The following IGSF5 variants were observed in gnomAD, a reference collection of about 807,000 sequenced individuals.
The protein encoded by IGSF5 is immunoglobulin superfamily member 5, also known as immunoglobulin superfamily 5 like.
Under a neutral mutation model 39.4 loss-of-function variants are expected in IGSF5, and 41 were observed. That is an observed-to-expected ratio of 1.04 (90% CI 0.81 to 1.35). IGSF5 has a LOEUF of 1.35. Ranked by LOEUF, IGSF5 falls within the 40% of genes most tolerant of loss-of-function variation. IGSF5 has a pLI of 0.00. For synonymous variants in IGSF5, 183 were observed against 175.3 expected (o/e 1.04, Z -0.34); for missense variants, 487 against 494.6 (o/e 0.98, Z 0.15).
chr21:39,789,829 T>A (rs1360948421), intron 6 of IGSF5, among the ~76,000 whole-genome samples: 1 of 152,232 alleles, frequency 6.6e-6, no homozygotes, highest in East Asian at 1.9e-4. Context: ...ATTTGGATTA[T>A]AGTAACCATT....
At chr21:39,789,733 A>G (rs2086951365) in intron 6 of IGSF5, among the ~76,000 whole-genome samples, 1 of 152,218 alleles carries the variant, frequency 6.6e-6, no homozygotes, top group South Asian at 2.1e-4. Flanking sequence ...TTCCAAAGTA[A>G]TTATTGTTAA....
intron 7 of IGSF5, 26 bp from the exon 8 acceptor site, chr21:39,793,508 A>T (rs2086977310): frequency 1.9e-6 from 3 of 1,590,150 alleles, no homozygotes; most frequent in Non-Finnish European, 8.6e-7. Context: ...CCACTTAATG[A>T]CTCTAAAATT....
At chr21:39,765,017 A>C (rs2080078809) in intron 2 of IGSF5, among the ~76,000 whole-genome samples, 1 of 152,172 alleles carries the variant, frequency 6.6e-6, no homozygotes, top group Non-Finnish European at 1.5e-5. Flanking sequence ...CCTCTTCCTT[A>C]GCTTCTGATG....
chr21:39,724,657 C>G, the IGSF5 span, among the ~76,000 whole-genome samples: 2 of 152,214 alleles, frequency 1.3e-5, no homozygotes, highest in Non-Finnish European at 2.9e-5. Context: ...AAATCTCTTT[C>G]TTTTGTAAAT....
intron 5 of IGSF5, among the ~76,000 whole-genome samples, chr21:39,780,124 A>G (rs975103975): frequency 6.6e-6 from 1 of 152,254 alleles, no homozygotes; most frequent in African/African-American, 2.4e-5. Context: ...TCATTTCACA[A>G]TATGTACATA....
intron 2 of IGSF5, among the ~76,000 whole-genome samples, chr21:39,748,715 G>A (rs376760873): frequency 6.6e-5 from 10 of 152,286 alleles, no homozygotes; most frequent in East Asian, 5.8e-4. Context: ...ACACAATTCC[G>A]TTTATAGAAG....
the IGSF5 span, among the ~76,000 whole-genome samples, chr21:39,714,915 A>G: frequency 6.6e-6 from 1 of 152,176 alleles, no homozygotes; most frequent in African/African-American, 2.4e-5. Context: ...GGGTTCTACC[A>G]ACTGTCAAGT....
At chr21:39,756,384 T>C (rs2080030828) in intron 2 of IGSF5, among the ~76,000 whole-genome samples, 1 of 152,194 alleles carries the variant, frequency 6.6e-6, no homozygotes, top group African/African-American at 2.4e-5. Flanking sequence ...CATCACAGTT[T>C]CAATTCTTGT....
At chr21:39,785,664 T>C (rs1368936020) in intron 5 of IGSF5, among the ~76,000 whole-genome samples, 3 of 152,150 alleles carry the variant, frequency 2.0e-5, no homozygotes, top group Non-Finnish European at 4.4e-5. Flanking sequence ...GCCATTTTCA[T>C]GATATTGATT....
In IGSF5 at chr21:39,771,112, G is replaced by T; in HGVS notation, c.615G>T (p.Leu205=). The change falls in exon 4 of 9, where the codon CTG becomes CTT. Residue 205 remains leucine, a synonymous_variant. Transcript: ENST00000380588. ...AAAGTGCAGTGAGCATCCTGGCTCT[G>T]ACCCCACAGAGCAATGGGACTTTGA... is the stretch of plus-strand genomic sequence containing the variant. ...DLQSAVSILA[L]TPQSNGTLTC... 1 of 1,613,142 alleles carries T rather than the reference G, an allele frequency of 6.2e-7. No homozygotes were observed. The highest frequency in any genetic ancestry group is 1.1e-5 in the South Asian group (1 of 90,720).
chr21:39,733,640 C>G, the IGSF5 span, among the ~76,000 whole-genome samples: 1,762 of 152,292 alleles, frequency 0.012, 29 homozygotes, highest in African/African-American at 0.04. Flanking sequence ...AAGCTTAAAA[C>G]AACAGAAATG....
the IGSF5 span, among the ~76,000 whole-genome samples, chr21:39,721,672 TC>T: frequency 1.4e-5 from 2 of 140,920 alleles, no homozygotes; most frequent in Admixed American, 7.3e-5. Flanking sequence ...TGGCCATCTG[TC>T]CCTTCCTTCC....
At chr21:39,789,080 G>T (rs1456945278) in intron 6 of IGSF5, among the ~76,000 whole-genome samples, 1 of 152,140 alleles carries the variant, frequency 6.6e-6, no homozygotes, top group East Asian at 1.9e-4. Context: ...CTGACTTAGG[G>T]CAAGGGAAGA....
intron 3 of IGSF5, among the ~76,000 whole-genome samples, chr21:39,766,151 C>T (rs1243631889): frequency 6.6e-6 from 1 of 152,032 alleles, no homozygotes; most frequent in Non-Finnish European, 1.5e-5. Context: ...TTTATTGTTT[C>T]GTTGATTTAT....
the IGSF5 span, among the ~76,000 whole-genome samples, chr21:39,732,601 T>C: frequency 6.6e-6 from 1 of 152,216 alleles, no homozygotes; most frequent in Non-Finnish European, 1.5e-5. Flanking sequence ...TGAAATAAGC[T>C]ATCTCTGACA....
chr21:39,745,797 G>T (rs981584153), intron 1 of IGSF5, among the ~76,000 whole-genome samples: 1 of 152,162 alleles, frequency 6.6e-6, no homozygotes, highest in Non-Finnish European at 1.5e-5. Flanking sequence ...TTAACTGGCC[G>T]ACAGGTGTCC....
At chr21:39,756,089 TCAAACAAA>T (rs10533195) in intron 2 of IGSF5, among the ~76,000 whole-genome samples, 33,201 of 151,238 alleles carry the variant, frequency 0.22, 5,617 homozygotes, top group African/African-American at 0.48. Context: ...GGACTCGGTC[TCAAACAAA>T]CAAACAAACA....
intron 4 of IGSF5, among the ~76,000 whole-genome samples, chr21:39,772,186 G>A (rs114598954): frequency 0.016 from 2,372 of 152,284 alleles, 61 homozygotes; most frequent in African/African-American, 0.053. Context: ...CCCTACAGCC[G>A]TATGAGTGTT....
chr21:39,745,672 G>T (rs1015926830), intron 1 of IGSF5, 146 bp downstream of exon 1: 21 of 625,898 alleles, frequency 3.4e-5, no homozygotes, highest in Non-Finnish European at 5.5e-5. Flanking sequence ...GTGGAAGCTG[G>T]CTCCAGGCAG....
Sources: allele counts gnomAD v4.1 joint callset (sites outside exome capture counted in the v4.1 genomes callset), GRCh38; gene constraint gnomAD v4.1.1; transcripts MANE v1.5; gene names NCBI Gene and HGNC (gene_info 2026-07-23, HGNC 2026-07-21).